FMNL2: variants seen among roughly 807,000 people sequenced by gnomAD.
FMNL2 encodes formin-like protein 2.
FMNL2 carries 51 observed loss-of-function variants against 130.2 expected under a neutral mutation model. The ratio of observed to expected loss-of-function variants is 0.39; its 90% CI spans 0.31 to 0.49. The LOEUF (loss-of-function observed/expected upper bound fraction) is 0.49, where lower values mean the gene tolerates loss of function less well. Ranked by LOEUF, FMNL2 falls within the 20% of genes least tolerant of loss-of-function variation. FMNL2 has a pLI of 0.85. For missense variants in FMNL2, 977 were observed against 1,316.2 expected, an observed-to-expected ratio of 0.74 and a Z score of 3.99; for synonymous variants, 465 against 467.1, an observed-to-expected ratio of 1.00 and a Z score of 0.06.
At chr2:152,490,022 T>A (rs1579795165) in intron 1 of FMNL2, among the ~76,000 whole-genome samples, 1 of 152,170 alleles carries the variant, frequency 6.6e-6, no homozygotes. Context: ...ATGCAGCCAC[T>A]TAAGTATTAG....
chr2:152,351,544 T>C (rs1057128320), intron 1 of FMNL2, among the ~76,000 whole-genome samples: 3 of 152,234 alleles, frequency 2.0e-5, no homozygotes, highest in African/African-American at 7.2e-5. Context: ...TCCTTTTTTA[T>C]GGCTGCATAG....
In FMNL2 at chr2:152,462,168, C is replaced by T. The variant is rs566528732; in HGVS notation, c.118-59775C>T. Among the ~76,000 whole-genome samples the T allele has an allele frequency of 2.6e-3, 390 of 152,226 alleles. 2 individuals carry two copies. The highest frequency in any genetic ancestry group is 4.1e-3 in the Non-Finnish European group (280 of 67,992). On this transcript the variant is annotated intron_variant, in intron 1 of 25. Coordinates refer to ENST00000288670, the MANE Select transcript of FMNL2 (RefSeq NM_052905.4). ...GGGAGCCCTTGGGCCTGGCCACCTA[C>T]GTAGCTTTTGAAGACTTGAAATGTG...
intron 25 of FMNL2, among the ~76,000 whole-genome samples, chr2:152,644,216 G>C (rs1409912864): frequency 6.6e-6 from 1 of 152,140 alleles, no homozygotes; most frequent in African/African-American, 2.4e-5. Context: ...GTGAGACCCT[G>C]TCTCAAAAAA....
intron 1 of FMNL2, among the ~76,000 whole-genome samples, chr2:152,428,598 C>A (rs144387925): frequency 6.6e-6 from 1 of 152,172 alleles, no homozygotes; most frequent in Non-Finnish European, 1.5e-5. Flanking sequence ...TTTAAGGACT[C>A]TCTTTTAAAA....
chr2:152,554,568 T>A (rs978684694), intron 4 of FMNL2, among the ~76,000 whole-genome samples: 2 of 152,210 alleles, frequency 1.3e-5, no homozygotes, highest in Non-Finnish European at 2.9e-5. Context: ...ACAATGTTTT[T>A]AAAAATCACA....
intron 6 of FMNL2, among the ~76,000 whole-genome samples, chr2:152,570,224 CT>C (rs1696102004): frequency 6.6e-6 from 1 of 152,152 alleles, no homozygotes; most frequent in Admixed American, 6.5e-5. Flanking sequence ...CTGTAATCTG[CT>C]TCTTTCTGCA....
intron 1 of FMNL2, among the ~76,000 whole-genome samples, chr2:152,429,797 C>T (rs529349605): frequency 3.3e-5 from 5 of 152,230 alleles, no homozygotes; most frequent in African/African-American, 7.2e-5. Flanking sequence ...GAGCCATGAA[C>T]GTTACACTAA....
chr2:152,598,691 A>ATCAG, intron 9 of FMNL2, among the ~76,000 whole-genome samples: 2 of 152,334 alleles, frequency 1.3e-5, no homozygotes, highest in Middle Eastern at 3.4e-3. Context: ...CTCTGTCTCA[A>ATCAG]TCAGTCAGTC....
At chr2:152,611,728 G>A in intron 11 of FMNL2, 123 bp downstream of exon 11, 1 of 618,956 alleles carries the variant, frequency 1.6e-6, no homozygotes, top group East Asian at 2.8e-5. Context: ...CTACTGTAGT[G>A]CTAGTTAAAG....
In FMNL2 at chr2:152,335,194, A is replaced by T. The variant is rs897433095; in HGVS notation, c.-410A>T. The T allele has an allele frequency of 6.5e-6, 1 of 153,726 alleles. No individual in the cohort carries two copies. The highest frequency in any genetic ancestry group is 2.4e-5 in the African/African-American group (1 of 41,438). 9.5% of individuals were successfully genotyped at this position (153,726 alleles called of 1,614,324 possible). A position where few individuals can be genotyped will look rare whatever the true frequency, so the allele number is the denominator to read the frequency against. On this transcript the variant is annotated 5_prime_UTR_variant, in exon 1 of 26. Transcript: ENST00000288670. ...CATTTGTCTGCTCCAGGTGCTAGCC[A>T]GGCAGGCGCAGCCGTGGCCGGCTAG...
intron 1 of FMNL2, among the ~76,000 whole-genome samples, chr2:152,375,439 G>T (rs1684098615): frequency 6.6e-6 from 1 of 152,178 alleles, no homozygotes; most frequent in Admixed American, 6.6e-5. Context: ...ATAGGAGTTG[G>T]CATAGAACAA....
intron 10 of FMNL2, among the ~76,000 whole-genome samples, chr2:152,611,274 G>T (rs972938673): frequency 4.6e-5 from 7 of 152,166 alleles, no homozygotes; most frequent in African/African-American, 1.7e-4. Context: ...AGGAGGCGGA[G>T]GTTGCAGTGA....
At chr2:152,615,768 G>A (rs969157323) in intron 12 of FMNL2, among the ~76,000 whole-genome samples, 5 of 152,188 alleles carry the variant, frequency 3.3e-5, no homozygotes, top group African/African-American at 1.2e-4. Flanking sequence ...CACTTTCCTT[G>A]ATTATGAAAT....
At chr2:152,549,489 G>A (rs1017975130) in intron 4 of FMNL2, among the ~76,000 whole-genome samples, 4 of 152,120 alleles carry the variant, frequency 2.6e-5, no homozygotes, top group South Asian at 2.1e-4. Flanking sequence ...TTTCCCTTTC[G>A]TTAATTCTCT....
intron 21 of FMNL2, among the ~76,000 whole-genome samples, chr2:152,632,640 C>A (rs923515458): frequency 6.6e-5 from 10 of 152,094 alleles, no homozygotes; most frequent in African/African-American, 2.4e-4. Flanking sequence ...CTGGGATGTA[C>A]AAGGTAATAG....
intron 1 of FMNL2, among the ~76,000 whole-genome samples, chr2:152,495,545 G>A (rs1639672086): frequency 1.3e-5 from 2 of 149,240 alleles, no homozygotes; most frequent in South Asian, 4.2e-4. Flanking sequence ...AGCTACTTGG[G>A]AGGCTGAGGC....
intron 11 of FMNL2, among the ~76,000 whole-genome samples, chr2:152,613,118 G>A (rs1026682014): frequency 8.5e-5 from 13 of 152,208 alleles, no homozygotes; most frequent in Non-Finnish European, 1.9e-4. Context: ...AGGCGTAATA[G>A]ATTTCCATTA....
At chr2:152,640,713 T>C (rs1683009515) in intron 24 of FMNL2, 78 bp from the exon 25 acceptor site, 36 of 1,534,962 alleles carry the variant, frequency 2.3e-5, no homozygotes, top group Non-Finnish European at 3.1e-5. Flanking sequence ...AGTAACATAA[T>C]GCTCAGGCAC....
chr2:152,500,222 A>G (rs994295199), intron 1 of FMNL2, among the ~76,000 whole-genome samples: 2 of 152,138 alleles, frequency 1.3e-5, no homozygotes, highest in African/African-American at 4.8e-5. Flanking sequence ...TTTCTGCCCC[A>G]CCAAGAGAGC....
Sources: allele counts gnomAD v4.1 joint callset (sites outside exome capture counted in the v4.1 genomes callset), GRCh38; gene constraint gnomAD v4.1.1; transcripts MANE v1.5; gene names NCBI Gene and HGNC (gene_info 2026-07-23, HGNC 2026-07-21).